Variants in PLXND1 observed in about 807,000 individuals in gnomAD.
PLXND1 encodes plexin D1.
PLXND1 carries 54 observed loss-of-function variants against 197.7 expected under a neutral mutation model. The ratio of observed to expected loss-of-function variants is 0.27; its 90% confidence interval spans 0.22 to 0.34. The LOEUF is 0.34. Among genes scored for constraint, PLXND1 ranks in the 10% least tolerant of loss-of-function variants. PLXND1 has a pLI of 1.00. For synonymous variants in PLXND1, 1,180 were observed against 1,161.2 expected (o/e 1.02, Z -0.33); for missense variants, 2,127 against 2,699.2 (o/e 0.79, Z 4.70).
In PLXND1 at chr3:129,584,368, C is replaced by T. The variant is rs374611629; in HGVS notation, c.2029+17G>A. The T allele has an allele frequency of 5.3e-5, 85 of 1,609,052 alleles. No individual in the cohort carries two copies. The African/African-American group carries it at 1.1e-3, about 21-fold the overall frequency. ...TTCTGCCCCTCTGGGGCTGTGCCAA[C>T]AGCACAGCGTGCTTACCCTGGTTGG... On this transcript the variant is annotated intron_variant, in intron 6 of 35. Coordinates refer to ENST00000324093, the MANE Select transcript of PLXND1 (RefSeq NM_015103.3).
intron 35 of PLXND1, 47 bp downstream of exon 35, chr3:129,556,570 G>C: frequency 6.9e-7 from 1 of 1,443,448 alleles, no homozygotes; most frequent in Non-Finnish European, 9.8e-7. Context: ...CCTTGAGTAG[G>C]AAGCTCACCT....
At position 129,606,064 on chromosome 3, in the gene PLXND1, C is replaced by T; in HGVS notation, c.576G>A (p.Val192=). The change falls in exon 1 of 36, where the codon GTG becomes GTA. Residue 192 remains valine (V), a synonymous_variant. Coordinates refer to ENST00000324093, the MANE Select transcript of PLXND1 (RefSeq NM_015103.3). ...CCGCGGCGGGAGGCAGAACTAGCCC[C>T]ACGGTGGACGCGTTCGGGTGGTTGG... ...VAANHPNAST[V]GLVLPPAAGA... 6.3e-7 allele frequency: 1 copy of T among 1,577,470 alleles called. No individual in the cohort carries two copies. Among genetic ancestry groups the T allele is most frequent in the East Asian group, 2.3e-5 (1 of 43,424 alleles).
At chr3:129,600,048 C>G (rs1013140040) in intron 1 of PLXND1, among the ~76,000 whole-genome samples, 1 of 152,228 alleles carries the variant, frequency 6.6e-6, no homozygotes, top group Non-Finnish European at 1.5e-5. Flanking sequence ...GCGAGCTCGG[C>G]GACGGTTTTT....
chr3:129,598,761 A>G (rs1265430423), intron 1 of PLXND1, among the ~76,000 whole-genome samples: 1 of 152,038 alleles, frequency 6.6e-6, no homozygotes, highest in Non-Finnish European at 1.5e-5. Flanking sequence ...ATTTTGGAGG[A>G]ATGAGGGGTC....
At chr3:129,587,218 C>A (rs559189049) in intron 2 of PLXND1, among the ~76,000 whole-genome samples, 119 of 152,284 alleles carry the variant, frequency 7.8e-4, no homozygotes, top group African/African-American at 2.8e-3. Context: ...TCTCATTCCT[C>A]CCCCCGACGC....
intron 28 of PLXND1, 35 bp from the exon 29 acceptor site, chr3:129,561,744 G>A: frequency 2.6e-6 from 4 of 1,516,762 alleles, no homozygotes; most frequent in African/African-American, 1.4e-5. Flanking sequence ...TCAGAGGCCG[G>A]AGGTTGGGGT....
intron 8 of PLXND1, 40 bp downstream of exon 8, chr3:129,583,527 T>G: frequency 7.9e-7 from 1 of 1,264,426 alleles, no homozygotes; most frequent in Middle Eastern, 1.9e-4. Context: ...AAAAAGGTAA[T>G]GAAACAGCAG....
chr3:129,575,206 C>G (rs1199881045), intron 11 of PLXND1, among the ~76,000 whole-genome samples: 8 of 152,230 alleles, frequency 5.3e-5, no homozygotes, highest in African/African-American at 1.9e-4. Flanking sequence ...CAGGTCCTTA[C>G]AAGCTCTGCA....
chr3:129,582,376 G>A (rs1443231106), intron 8 of PLXND1, among the ~76,000 whole-genome samples: 1 of 152,258 alleles, frequency 6.6e-6, no homozygotes, highest in East Asian at 1.9e-4. Context: ...TGTGTGCCCA[G>A]AAAGGGGCCC....
chr3:129,566,674 C>T, intron 22 of PLXND1, 43 bp from the exon 23 acceptor site: 1 of 1,252,900 alleles, frequency 8.0e-7, no homozygotes. Context: ...GCTGGACACC[C>T]CCTGCTGGCA....
chr3:129,575,598 G>A (rs754838627), intron 10 of PLXND1, 36 bp from the exon 11 acceptor site: 31 of 1,451,094 alleles, frequency 2.1e-5, no homozygotes, highest in Admixed American at 2.0e-5. Flanking sequence ...GGGGGCATGG[G>A]CAATGCCTGG....
At chr3:129,590,486 G>A (rs184303149) in intron 1 of PLXND1, among the ~76,000 whole-genome samples, 2 of 152,266 alleles carry the variant, frequency 1.3e-5, no homozygotes, top group East Asian at 1.9e-4. Context: ...GTGAAAAGGG[G>A]ACACACACAT....
Position 129,560,363 on chromosome 3 carries a change from C to T in PLXND1, c.5100G>A (p.Pro1700=), listed in dbSNP as rs769609009. 28 of 1,613,882 alleles carry T rather than the reference C, an allele frequency of 1.7e-5. No individual in the cohort carries two copies. Among genetic ancestry groups the T allele is most frequent in the East Asian group, 4.5e-5 (2 of 44,870 alleles). The change falls in exon 31 of 36, where the codon CCG becomes CCA. Residue 1700 remains proline (P), a synonymous_variant. Coordinates refer to ENST00000324093, the MANE Select transcript of PLXND1 (RefSeq NM_015103.3). ...HRQSHRKKVL[P]EIYLTRLLST... ...AGAGCAGGCGGGTCAGGTAGATTTC[C>T]GGGAGCACCTTCTTGCGATGGCTCT... is the stretch of plus-strand genomic sequence containing the variant.
At chr3:129,589,314 A>AACC in intron 2 of PLXND1, 37 bp downstream of exon 2, 193 of 346,742 alleles carry the variant, frequency 5.6e-4, no homozygotes, top group South Asian at 1.5e-3. Flanking sequence ...GGAGCCTCCC[A>AACC]CCCCCACCCC....
At position 129,557,288 on chromosome 3, in the gene PLXND1, G is replaced by T; in HGVS notation, c.5446-65C>A. Reference sequence around the variant, plus strand: ...GAAAGGACGGATCTGGTCGTTTTCTGGATGAGCCCTCATCCCTCCTGCCAC... The same window carrying T: ...GAAAGGACGGATCTGGTCGTTTTCTTGATGAGCCCTCATCCCTCCTGCCAC... On this transcript the variant is annotated intron_variant, in intron 33 of 35. Coordinates refer to ENST00000324093, the MANE Select transcript of PLXND1 (RefSeq NM_015103.3). The surrounding 1 kb of genome is among the most constrained non-coding windows in gnomAD (Gnocchi z 4.8). The T allele has an allele frequency of 6.3e-7, 1 of 1,583,178 alleles. No individual in the cohort carries two copies. The highest frequency in any genetic ancestry group is 8.7e-7 in the Non-Finnish European group (1 of 1,155,652).
chr3:129,580,852 C>T (rs1461288731), intron 8 of PLXND1, among the ~76,000 whole-genome samples: 2 of 151,846 alleles, frequency 1.3e-5, no homozygotes, highest in African/African-American at 4.8e-5. Flanking sequence ...CCCACAATTG[C>T]CCCCATGTTC....
At chr3:129,569,301 A>G (rs1219135455) in intron 20 of PLXND1, 1 of 152,530 alleles carries the variant, frequency 6.6e-6, no homozygotes, top group Non-Finnish European at 1.5e-5. Context: ...ATTTCTCTTG[A>G]GCAGATAGCT....
intron 2 of PLXND1, among the ~76,000 whole-genome samples, chr3:129,588,472 G>A (rs1473196593): frequency 1.3e-5 from 1 of 77,076 alleles, no homozygotes; most frequent in Non-Finnish European, 2.7e-5. Flanking sequence ...GACTCCGAAT[G>A]TGAGTATCTG....
chr3:129,604,979 T>G (rs1276473360), intron 1 of PLXND1, among the ~76,000 whole-genome samples: 1 of 152,188 alleles, frequency 6.6e-6, no homozygotes. Context: ...TGCAGTCACT[T>G]ACTGCGCCCT....
Sources: gnomAD v4.1 joint callset for allele counts (sites outside exome capture counted in the v4.1 genomes callset) on GRCh38, gnomAD v4.1.1 for gene constraint, Gnocchi (gnomAD v3.1) non-coding constraint, MANE v1.5 for transcripts, NCBI Gene and HGNC (gene_info 2026-07-23, HGNC 2026-07-21) for gene names.